Variants in NF2 observed in about 807,000 individuals in gnomAD.
NF2 encodes NF2, moesin-ezrin-radixin like (MERLIN) tumor suppressor.
In NF2, 8 loss-of-function variants were observed where a neutral mutation model predicts 83.7. The ratio of observed to expected loss-of-function variants is 0.10; its 90% CI spans 0.06 to 0.17. The LOEUF is 0.17. Among genes scored for constraint, NF2 ranks in the 10% least tolerant of loss-of-function variants. The pLI is 1.00. For missense variants in NF2, 533 were observed against 744.4 expected (o/e 0.72, Z 3.31); for synonymous variants, 266 against 269.6 (o/e 0.99, Z 0.13).
At chr22:29,683,227 G>T (rs992080662) in intron 15 of NF2, 1 of 1,568,224 alleles carries the variant, frequency 6.4e-7, no homozygotes, top group Non-Finnish European at 8.6e-7. Flanking sequence ...CTAAAAGTAG[G>T]CACCCACCCT....
At chr22:29,619,056 C>G (rs2065144631) in intron 1 of NF2, among the ~76,000 whole-genome samples, 1 of 146,954 alleles carries the variant, frequency 6.8e-6, no homozygotes, top group African/African-American at 2.5e-5. Context: ...TGTTATCTAC[C>G]TTTTTTTTTT....
At chr22:29,669,793 T>C (rs2066727748) in intron 10 of NF2, among the ~76,000 whole-genome samples, 1 of 152,180 alleles carries the variant, frequency 6.6e-6, no homozygotes, top group Non-Finnish European at 1.5e-5. Context: ...ATTTAGAATG[T>C]GAGTAAGTCA....
intron 4 of NF2, among the ~76,000 whole-genome samples, chr22:29,649,759 TA>T (rs2066090813): frequency 1.0e-5 from 1 of 97,222 alleles, no homozygotes; most frequent in Non-Finnish European, 2.2e-5. Context: ...AAAATAAAAA[TA>T]AAAAAGGAGC....
At chr22:29,683,192 GT>G in intron 15 of NF2, 1 of 1,608,476 alleles carries the variant, frequency 6.2e-7, no homozygotes, top group African/African-American at 1.3e-5. Flanking sequence ...TGGTGCCTGG[GT>G]ACTGGCCGCA....
intron 1 of NF2, among the ~76,000 whole-genome samples, chr22:29,633,130 G>C (rs189075644): frequency 1.1e-4 from 16 of 152,340 alleles, no homozygotes; most frequent in African/African-American, 3.8e-4. Flanking sequence ...GTAGCAACAT[G>C]TTGAGGTTAG....
At chr22:29,651,977 C>T (rs1009146414) in intron 4 of NF2, among the ~76,000 whole-genome samples, 6 of 152,126 alleles carry the variant, frequency 3.9e-5, no homozygotes, top group African/African-American at 1.4e-4. Flanking sequence ...ATAAGTAATG[C>T]AGAGGATGGC....
At chr22:29,609,232 C>T in intron 1 of NF2, 1 of 729,896 alleles carries the variant, frequency 1.4e-6, no homozygotes, top group Non-Finnish European at 2.6e-6. Context: ...TAGGTATGAC[C>T]TTGGTTATGA....
At chr22:29,611,589 TAAGTCTACTTTCACTAC>T in intron 1 of NF2, among the ~76,000 whole-genome samples, 1 of 152,240 alleles carries the variant, frequency 6.6e-6, no homozygotes, top group Non-Finnish European at 1.5e-5. Flanking sequence ...AAAAGAGAGA[TAAGTCTACTTTCACTAC>T]TGCTATTCAG....
chr22:29,624,290 C>A (rs768263595), intron 1 of NF2, among the ~76,000 whole-genome samples: 11 of 152,200 alleles, frequency 7.2e-5, no homozygotes, highest in Non-Finnish European at 1.5e-4. Flanking sequence ...TCACTGCAAC[C>A]TTTGCCTCCC....
At chr22:29,629,995 G>A (rs1450315778) in intron 1 of NF2, among the ~76,000 whole-genome samples, 18 of 152,144 alleles carry the variant, frequency 1.2e-4, no homozygotes, top group Admixed American at 1.2e-3. Flanking sequence ...TTCCTGTCAT[G>A]GGTCTGGTTT....
At chr22:29,645,992 A>G (rs1321706172) in intron 4 of NF2, among the ~76,000 whole-genome samples, 1 of 152,226 alleles carries the variant, frequency 6.6e-6, no homozygotes, top group Non-Finnish European at 1.5e-5. Flanking sequence ...GCTTACTATG[A>G]CATACTTCCA....
At chr22:29,681,698 C>A in intron 15 of NF2, 97 bp downstream of exon 15, 1 of 1,444,698 alleles carries the variant, frequency 6.9e-7, no homozygotes, top group Non-Finnish European at 9.7e-7. Flanking sequence ...AGTCACTAGA[C>A]TATTGGCATC....
intron 4 of NF2, among the ~76,000 whole-genome samples, chr22:29,651,231 T>C (rs1308061415): frequency 6.6e-6 from 1 of 152,226 alleles, no homozygotes; most frequent in Non-Finnish European, 1.5e-5. Context: ...TTCTCATAGT[T>C]ATAGACAGGA....
At chr22:29,683,996 T>G in intron 15 of NF2, 1 of 891,556 alleles carries the variant, frequency 1.1e-6, no homozygotes, top group Non-Finnish European at 1.4e-6. Context: ...TCCTTTGGAG[T>G]CTTCCCTGCA....
intron 4 of NF2, among the ~76,000 whole-genome samples, chr22:29,648,829 C>T (rs992804782): frequency 6.6e-6 from 1 of 152,138 alleles, no homozygotes; most frequent in South Asian, 2.1e-4. Flanking sequence ...GGCACAAACT[C>T]TATACCCGCC....
At chr22:29,656,000 G>A (rs999164079) in intron 6 of NF2, among the ~76,000 whole-genome samples, 5 of 151,140 alleles carry the variant, frequency 3.3e-5, no homozygotes, top group African/African-American at 1.2e-4. Context: ...ATGCAGTGGC[G>A]CCATCTCAGC....
intron 15 of NF2, among the ~76,000 whole-genome samples, chr22:29,692,152 T>G (rs988050547): frequency 1.3e-5 from 2 of 152,172 alleles, no homozygotes; most frequent in African/African-American, 4.8e-5. Context: ...TGCTGACCAG[T>G]GCAGCCAGGT....
At chr22:29,658,906 G>A (rs2066397105) in intron 7 of NF2, among the ~76,000 whole-genome samples, 1 of 152,076 alleles carries the variant, frequency 6.6e-6, no homozygotes, top group African/African-American at 2.4e-5. Flanking sequence ...ATTTCACTAC[G>A]GACTCCAAAC....
rs1469191017 is a variant in NF2, at chr22:29,668,446, G to C, written c.999G>C (p.Gln333His). Residue 333 changes from glutamine to histidine, a missense_variant and splice_region_variant, in exon 10 of 16, where the codon CAG becomes CAC. Coordinates refer to ENST00000338641, the MANE Select transcript of NF2 (RefSeq NM_000268.4). ...AQAREEKARK[Q>H]MERQRLAREK... Reference sequence around the variant, plus strand: ...CCAGGGAGGAGAAGGCTAGAAAGCAGGTGAGCACAACCTTGTTTTAACTGA... The same window carrying C: ...CCAGGGAGGAGAAGGCTAGAAAGCACGTGAGCACAACCTTGTTTTAACTGA... 1.2e-6 allele frequency: 2 copies of C among 1,610,724 alleles called. No homozygotes were observed. The highest frequency in any genetic ancestry group is 2.7e-5 in the African/African-American group (2 of 74,852).
Sources: allele counts gnomAD v4.1 joint callset (sites outside exome capture counted in the v4.1 genomes callset), GRCh38; gene constraint gnomAD v4.1.1; transcripts MANE v1.5; gene names NCBI Gene and HGNC (gene_info 2026-07-23, HGNC 2026-07-21).